Variants in ZNF91 observed in about 807,000 individuals in gnomAD.
ZNF91 encodes zinc finger protein 91 (HPF7, HTF10).
A neutral mutation model predicts 12.6 loss-of-function variants in ZNF91; 7 were observed. The observed-to-expected ratio is 0.55, with a 90% CI of 0.31 to 1.04. ZNF91 has a LOEUF of 1.04. Ranked by LOEUF, ZNF91 falls within the 50% of genes least tolerant of loss-of-function variation. The pLI is 0.05. For synonymous variants in ZNF91, 453 were observed against 462.6 expected, an observed-to-expected ratio of 0.98 and a Z score of 0.27; for missense variants, 1,217 against 1,385.4, an observed-to-expected ratio of 0.88 and a Z score of 1.93.
At chr19:23,308,336 T>G (rs1252537219) in intron 2 of ZNF91, 25 of 152,226 alleles carry the variant, frequency 1.6e-4, no homozygotes, top group Admixed American at 1.6e-3. Context: ...TTTGACTGCC[T>G]GAGTCTTTCA....
At chr19:23,324,066 ACTCCTCCTTCTCCTC>A (rs1363917660) in intron 1 of ZNF91, 4 of 82,874 alleles carry the variant, frequency 4.8e-5, no homozygotes, top group Non-Finnish European at 1.1e-4. Flanking sequence ...CATCTCCTCT[ACTCCTCCTTCTCCTC>A]CTCCTCCTTC....
At chr19:23,343,658 CACAG>C (rs1489634461) in intron 3 of ZNF91, among the ~76,000 whole-genome samples, 2 of 152,080 alleles carry the variant, frequency 1.3e-5, no homozygotes, top group African/African-American at 4.8e-5. Context: ...GTAAGGAGTA[CACAG>C]ACAGGTAGAC....
At chr19:23,334,683 C>T (rs10408057), downstream of ZNF91, among the ~76,000 whole-genome samples, 4,595 of 152,156 alleles carry the variant, frequency 0.03, 224 homozygotes, top group African/African-American at 0.1. Context: ...TTAGAAGGGA[C>T]GGACTTCTTT....
intron 1 of ZNF91, among the ~76,000 whole-genome samples, chr19:23,309,839 G>T (rs1967446130): frequency 6.6e-6 from 1 of 151,398 alleles, no homozygotes; most frequent in Non-Finnish European, 1.5e-5. Flanking sequence ...GTCATCACAA[G>T]GCCCAGCGTG....
intron 2 of ZNF91, 44 bp downstream of exon 2, chr19:23,374,594 A>C: frequency 6.5e-7 from 1 of 1,548,020 alleles, no homozygotes; most frequent in Non-Finnish European, 8.7e-7. Context: ...AAGAAGTAAA[A>C]CCATTAGTTT....
intron 3 of ZNF91, among the ~76,000 whole-genome samples, chr19:23,367,801 TTC>T (rs1969073560): frequency 6.6e-6 from 1 of 152,334 alleles, no homozygotes; most frequent in African/African-American, 2.4e-5. Flanking sequence ...TTTCAAAAAA[TTC>T]TGTTAGAAAC....
At position 23,373,744 on chromosome 19, in the gene ZNF91, G is replaced by A. The variant is rs773440636; in HGVS notation, c.251C>T (p.Thr84Ile). ...CTGTTGTATTCACTCTCACCTACCT[G>A]TGGGTTCATCCACCATCTCATGTTG... ...MKQHEMVDEPTGICPHFPQDF... is the reference protein window; with the variant it reads ...MKQHEMVDEPIGICPHFPQDF... The change falls in exon 3 of 4, where the codon ACA (threonine) becomes ATA (isoleucine). Residue 84 changes from threonine to isoleucine, a missense_variant and splice_region_variant. By Grantham distance (89) the Thr-to-Ile change is moderately conservative. Transcript: ENST00000300619. 2 of 1,608,134 alleles carry A rather than the reference G, an allele frequency of 1.2e-6. No homozygotes were observed. Among genetic ancestry groups the A allele is most frequent in the South Asian group, 2.2e-5 (2 of 90,516 alleles).
rs371859942 is a variant in ZNF91 at position 23,385,809 on chromosome 19, T to C, written c.30+9516A>G. ...TTTCACATTTGAATTTTACGGGTTTTGGAGATTTTCTTGTAGTTCTTATAT... is the reference window on the plus strand; with the variant it reads ...TTTCACATTTGAATTTTACGGGTTTCGGAGATTTTCTTGTAGTTCTTATAT... On this transcript the variant is annotated intron_variant, in intron 1 of 3. Coordinates refer to ENST00000300619, the MANE Select transcript of ZNF91 (RefSeq NM_003430.4). Among the ~76,000 whole-genome samples, 177 of 152,354 alleles carry C rather than the reference T, an allele frequency of 1.2e-3. 1 individual carries two copies. The highest frequency in any genetic ancestry group is 4.1e-3 in the African/African-American group (172 of 41,590).
chr19:23,347,038 C>T (rs1968247607), intron 3 of ZNF91, among the ~76,000 whole-genome samples: 1 of 152,034 alleles, frequency 6.6e-6, no homozygotes, highest in South Asian at 2.1e-4. Context: ...CTTCCAGATG[C>T]CTCTTTACTT....
chr19:23,343,567 G>A (rs1215515066), intron 3 of ZNF91, among the ~76,000 whole-genome samples: 1 of 152,218 alleles, frequency 6.6e-6, no homozygotes, highest in African/African-American at 2.4e-5. Flanking sequence ...GACTCAGTGA[G>A]TTTGAGTGCA....
intron 3 of ZNF91, among the ~76,000 whole-genome samples, chr19:23,348,603 G>T (rs746915380): frequency 7.9e-5 from 12 of 152,274 alleles, no homozygotes; most frequent in South Asian, 2.1e-4. Context: ...TGTAAAACAT[G>T]TGTGTTTGAA....
At chr19:23,352,122 C>A (rs1356295867) in intron 3 of ZNF91, among the ~76,000 whole-genome samples, 3 of 152,198 alleles carry the variant, frequency 2.0e-5, no homozygotes, top group Non-Finnish European at 2.9e-5. Flanking sequence ...TCTTTCCCAG[C>A]TGGGAGGCAG....
At chr19:23,336,893 C>A (rs976988448), downstream of ZNF91, among the ~76,000 whole-genome samples, 7 of 152,008 alleles carry the variant, frequency 4.6e-5, no homozygotes, top group African/African-American at 1.4e-4. Flanking sequence ...CTTTTAACTC[C>A]TGTATCAATA....
chr19:23,323,006 CCTT>C (rs1048630236), intron 1 of ZNF91, among the ~76,000 whole-genome samples: 1 of 150,486 alleles, frequency 6.6e-6, no homozygotes, highest in South Asian at 2.1e-4. Context: ...CTCTCCTCCT[CCTT>C]TTCCTCTTTT....
chr19:23,369,289 G>T (rs767903951), intron 3 of ZNF91, among the ~76,000 whole-genome samples: 2 of 151,198 alleles, frequency 1.3e-5, no homozygotes, highest in Non-Finnish European at 3.0e-5. Context: ...CACCCTGGGC[G>T]ACAGAGCAAG....
chr19:23,347,106 T>C (rs1324406138), intron 3 of ZNF91, among the ~76,000 whole-genome samples: 1 of 150,402 alleles, frequency 6.6e-6, no homozygotes, highest in Non-Finnish European at 1.5e-5. Flanking sequence ...GGCTATGCTA[T>C]AGTGTCACCC....
Position 23,359,486 on chromosome 19 carries a change from G to C in ZNF91, c.3493C>G (p.Leu1165Val). ...GATCCGCCCGCCTCGGCCTCCCAAA[G>C]TAGTGGGATTACAGGTGTGATAGTA... ...IHTITPVIPL[L>V]WEAEAGGSRG... The change falls in exon 4 of 4, where the codon CTT becomes GTT. Residue 1165 changes from leucine to valine, a missense_variant. Leu to Val is a conservative substitution (Grantham distance 32, BLOSUM62 1). Transcript: ENST00000300619. 1 of 1,609,414 alleles carries C rather than the reference G, an allele frequency of 6.2e-7. No individual in the cohort carries two copies. The highest frequency in any genetic ancestry group is 8.5e-7 in the Non-Finnish European group (1 of 1,175,884).
At chr19:23,386,326 A>C (rs1326101644) in intron 1 of ZNF91, among the ~76,000 whole-genome samples, 1 of 152,202 alleles carries the variant, frequency 6.6e-6, no homozygotes, top group Admixed American at 6.5e-5. Flanking sequence ...AATTCATATA[A>C]AACCAAAAAA....
At position 23,320,293 on chromosome 19, in the gene ZNF91, C is replaced by T. The variant is rs146386292; in HGVS notation, n.117-11196G>A. On this transcript the variant is annotated intron_variant and non_coding_transcript_variant, in intron 1 of 1. Transcript: ENST00000596528. ...TCTCATACCTGAGCTTAGACTGACA[C>T]GTACAATCATGGGCTCATATCAGCA... 4.1e-3 allele frequency among the ~76,000 whole-genome samples: 623 copies of T among 152,260 alleles called. 10 individuals are homozygous for T. The highest frequency in any genetic ancestry group is 0.014 in the African/African-American group (599 of 41,544).
Sources: gnomAD v4.1 joint callset for allele counts (sites outside exome capture counted in the v4.1 genomes callset) on GRCh38, gnomAD v4.1.1 for gene constraint, MANE v1.5 for transcripts, NCBI Gene and HGNC (gene_info 2026-07-23, HGNC 2026-07-21) for gene names.